Variants in DOCK7 observed in about 807,000 individuals in gnomAD.
DOCK7 encodes the protein dedicator of cytokinesis protein 7.
In DOCK7, 138 loss-of-function variants were observed where a neutral mutation model predicts 271.0. The observed-to-expected ratio is 0.51, with a 90% CI of 0.44 to 0.59. The LOEUF is 0.59. Ranked by LOEUF, DOCK7 falls within the 20% of genes least tolerant of loss-of-function variation. The probability of loss-of-function intolerance (pLI) is 0.00; values close to 1 mark genes in which losing one functional copy is unlikely to be tolerated. For missense variants in DOCK7, 2,066 were observed against 2,592.4 expected (o/e 0.80, Z 4.41); for synonymous variants, 823 against 876.1 (o/e 0.94, Z 1.07).
At chr1:62,550,081 C>G (rs1377125747) in intron 22 of DOCK7, among the ~76,000 whole-genome samples, 1 of 152,080 alleles carries the variant, frequency 6.6e-6, no homozygotes, top group East Asian at 1.9e-4. Context: ...TTGATGGACA[C>G]TTAGATTGCT....
At chr1:62,663,256 T>C (rs1658888745) in intron 1 of DOCK7, 126 bp from the exon 2 acceptor site, 2 of 723,888 alleles carry the variant, frequency 2.8e-6, no homozygotes, top group South Asian at 3.7e-5. Flanking sequence ...AGCATAACAA[T>C]AAGGCTAGAA....
chr1:62,624,602 G>C (rs1352854792), intron 12 of DOCK7, among the ~76,000 whole-genome samples: 1 of 152,136 alleles, frequency 6.6e-6, no homozygotes, highest in Non-Finnish European at 1.5e-5. Flanking sequence ...GTGTGGGGAA[G>C]ACATGTAGGC....
intron 14 of DOCK7, among the ~76,000 whole-genome samples, chr1:62,618,062 T>A (rs1193831342): frequency 1.3e-5 from 2 of 152,090 alleles, no homozygotes; most frequent in Non-Finnish European, 2.9e-5. Flanking sequence ...GCTGCCCTAC[T>A]GAATATCCCA....
chr1:62,535,490 C>T lies in DOCK7; in HGVS notation c.3611+3G>A, dbSNP rs778412495. The stretch of plus-strand genomic sequence containing the variant: ...TCTACAAGGTAAAAACTAGTGTACT[C>T]ACCCTTCAGCATCAGGGTCTAAAAT... On this transcript the variant is annotated splice_donor_region_variant and intron_variant, in intron 29 of 49. Coordinates refer to ENST00000635253, the MANE Select transcript of DOCK7 (RefSeq NM_001367561.1). The T allele has an allele frequency of 2.5e-6, 4 of 1,612,468 alleles. 1 individual carries two copies. The South Asian group carries it at 4.4e-5, about 18-fold the overall frequency.
In DOCK7 at chr1:62,477,843, A is replaced by G. The variant is rs752687173; in HGVS notation, c.5509-18T>C. On this transcript the variant is annotated intron_variant, in intron 43 of 49. Coordinates refer to ENST00000635253, the MANE Select transcript of DOCK7 (RefSeq NM_001367561.1). ...AACATCCGCTTACCATCCTAGGTTT[A>G]GGAAAATGGAGAAACTTTAATATGA... 1.9e-6 allele frequency: 3 copies of G among 1,571,474 alleles called. No homozygotes were observed. The highest frequency in any genetic ancestry group is 2.6e-6 in the Non-Finnish European group (3 of 1,161,742).
chr1:62,558,880 A>G, intron 20 of DOCK7, 109 bp downstream of exon 20: 1 of 850,954 alleles, frequency 1.2e-6, no homozygotes, highest in Non-Finnish European at 1.8e-6. Context: ...CCCAAATCAA[A>G]TATAGTCCTT....
intron 25 of DOCK7, among the ~76,000 whole-genome samples, chr1:62,541,011 T>C (rs189736830): frequency 1.7e-4 from 26 of 152,340 alleles, no homozygotes; most frequent in Admixed American, 1.6e-3. Flanking sequence ...TTACCCATAA[T>C]ATAGGTAACA....
chr1:62,539,079 A>T (rs1209661534), intron 27 of DOCK7, among the ~76,000 whole-genome samples: 2 of 152,224 alleles, frequency 1.3e-5, no homozygotes, highest in Non-Finnish European at 2.9e-5. Context: ...TAAAGTCAAG[A>T]TAATGAACAT....
At chr1:62,688,156 GC>G in intron 1 of DOCK7, 70 bp downstream of exon 1, 1 of 1,266,306 alleles carries the variant, frequency 7.9e-7, no homozygotes, top group Non-Finnish European at 1.0e-6. Context: ...CGCCTCCTAG[GC>G]CAGGCCTGGG....
intron 24 of DOCK7, 28 bp downstream of exon 24, chr1:62,543,628 T>G (rs760917463): frequency 6.6e-7 from 1 of 1,508,026 alleles, no homozygotes; most frequent in South Asian, 1.2e-5. Flanking sequence ...ATTTTCCCCC[T>G]CTATGAATTG....
chr1:62,520,734 C>G (rs1330957806), intron 31 of DOCK7, among the ~76,000 whole-genome samples: 1 of 152,062 alleles, frequency 6.6e-6, no homozygotes, highest in Non-Finnish European at 1.5e-5. Flanking sequence ...ACCATTTGAC[C>G]CAGCAATTCC....
intron 18 of DOCK7, among the ~76,000 whole-genome samples, chr1:62,570,517 A>T (rs1006178328): frequency 1.3e-5 from 2 of 152,156 alleles, no homozygotes; most frequent in Non-Finnish European, 2.9e-5. Flanking sequence ...CCATATAACC[A>T]CTGTAGACAT....
At chr1:62,664,353 G>A (rs1371694545) in intron 1 of DOCK7, among the ~76,000 whole-genome samples, 1 of 152,112 alleles carries the variant, frequency 6.6e-6, no homozygotes, top group Non-Finnish European at 1.5e-5. Flanking sequence ...TAGTGAAGAA[G>A]TCTCATGAGA....
In DOCK7 at chr1:62,498,555, A is replaced by G. The variant is rs1646687731; in HGVS notation, c.4765-2058T>C. Among the ~76,000 whole-genome samples the G allele has an allele frequency of 2.6e-5, 4 of 152,248 alleles. No individual in the cohort carries two copies. In the South Asian group the frequency reaches 8.3e-4, roughly 32 times the overall value. ...CTTAATATTAATTTATGTAACACTT[A>G]CAAAACCATCTGAACTAGATTCATC... is the stretch of plus-strand genomic sequence containing the variant. On this transcript the variant is annotated intron_variant, in intron 37 of 49. Coordinates refer to ENST00000635253, the MANE Select transcript of DOCK7 (RefSeq NM_001367561.1).
intron 12 of DOCK7, among the ~76,000 whole-genome samples, chr1:62,622,144 C>T (rs886245073): frequency 1.3e-5 from 2 of 152,214 alleles, no homozygotes; most frequent in Admixed American, 1.3e-4. Flanking sequence ...CCAAGCTAGC[C>T]TGCTAGAAGA....
intron 31 of DOCK7, among the ~76,000 whole-genome samples, chr1:62,521,540 T>C (rs1251968700): frequency 1.3e-5 from 2 of 152,010 alleles, no homozygotes; most frequent in Non-Finnish European, 2.9e-5. Flanking sequence ...CAAGAAAAGG[T>C]ACAAAAATCT....
chr1:62,629,417 A>T (rs1654346193), intron 11 of DOCK7: 1 of 152,214 alleles, frequency 6.6e-6, no homozygotes, highest in Non-Finnish European at 1.5e-5. Context: ...AATAATACCA[A>T]TACATGCTAC....
At chr1:62,468,360 CAAA>C (rs201784083) in intron 48 of DOCK7, among the ~76,000 whole-genome samples, 1 of 93,074 alleles carries the variant, frequency 1.1e-5, no homozygotes, top group Non-Finnish European at 2.3e-5. Flanking sequence ...GACTCTGTCT[CAAA>C]AAAAAAAAAA....
chr1:62,661,115 T>G (rs1046055808), intron 2 of DOCK7, among the ~76,000 whole-genome samples: 6 of 148,166 alleles, frequency 4.0e-5, no homozygotes, highest in African/African-American at 1.5e-4. Flanking sequence ...AAAAAAAAGA[T>G]ACAGGCCACA....
Sources: allele counts gnomAD v4.1 joint callset (sites outside exome capture counted in the v4.1 genomes callset), GRCh38; gene constraint gnomAD v4.1.1; transcripts MANE v1.5; gene names NCBI Gene and HGNC (gene_info 2026-07-23, HGNC 2026-07-21).